The following CNTN5 variants were observed in gnomAD, a reference collection of about 807,000 sequenced individuals.
CNTN5 encodes the protein contactin-5.
A neutral mutation model predicts 129.1 loss-of-function variants in CNTN5; 77 were observed. The observed-to-expected ratio is 0.60, with a 90% CI of 0.50 to 0.72. The LOEUF is 0.72. CNTN5 is among the 30% of genes least tolerant of loss of function. The probability of loss-of-function intolerance (pLI) is 0.00; values close to 1 mark genes in which losing one functional copy is unlikely to be tolerated. For synonymous variants in CNTN5, 509 were observed against 465.6 expected (o/e 1.09, Z -1.20); for missense variants, 1,478 against 1,328.8 (o/e 1.11, Z -1.75).
At chr11:99,732,763 T>A (rs947966384) in intron 3 of CNTN5, among the ~76,000 whole-genome samples, 1 of 152,220 alleles carries the variant, frequency 6.6e-6, no homozygotes, top group Non-Finnish European at 1.5e-5. Context: ...GAAAGGGATG[T>A]TATTAAAATA....
At chr11:99,230,163 G>T (rs984849055) in intron 1 of CNTN5, among the ~76,000 whole-genome samples, 10 of 151,840 alleles carry the variant, frequency 6.6e-5, no homozygotes, top group Non-Finnish European at 1.3e-4. Flanking sequence ...AATGGGAATG[G>T]TCATTTTACA....
intron 1 of CNTN5, among the ~76,000 whole-genome samples, chr11:99,071,271 T>G (rs1006518857): frequency 6.6e-6 from 1 of 152,152 alleles, no homozygotes; most frequent in African/African-American, 2.4e-5. Context: ...ACAGAGGTTT[T>G]TTTTGTTTTG....
intron 2 of CNTN5, among the ~76,000 whole-genome samples, chr11:99,451,129 G>T (rs1335220172): frequency 1.3e-5 from 2 of 152,078 alleles, no homozygotes; most frequent in Non-Finnish European, 1.5e-5. Context: ...ATTGTACTCA[G>T]TGAGACCTGA....
At chr11:100,236,845 G>GGGAA (rs746711704) in intron 16 of CNTN5, among the ~76,000 whole-genome samples, 32 of 152,224 alleles carry the variant, frequency 2.1e-4, no homozygotes, top group South Asian at 1.9e-3. Context: ...CAGCCTTTTA[G>GGGAA]GGAATATACA....
At chr11:100,230,314 A>G (rs1031333061) in intron 16 of CNTN5, among the ~76,000 whole-genome samples, 1 of 152,200 alleles carries the variant, frequency 6.6e-6, no homozygotes, top group Non-Finnish European at 1.5e-5. Flanking sequence ...TTATTTAAAT[A>G]GCTTATACCA....
chr11:100,045,115 T>C (rs1942599377), intron 9 of CNTN5, among the ~76,000 whole-genome samples: 1 of 135,200 alleles, frequency 7.4e-6, no homozygotes, highest in Admixed American at 7.4e-5. Flanking sequence ...TCTTCCATAT[T>C]ACTTTTTTTT....
At chr11:99,655,883 C>T (rs564836844) in intron 3 of CNTN5, among the ~76,000 whole-genome samples, 1 of 151,946 alleles carries the variant, frequency 6.6e-6, no homozygotes, top group East Asian at 1.9e-4. Context: ...TTTAATATTC[C>T]ATTTAGCTAT....
chr11:99,693,439 G>A (rs546583094), intron 3 of CNTN5, among the ~76,000 whole-genome samples: 1 of 151,892 alleles, frequency 6.6e-6, no homozygotes. Flanking sequence ...TGATTGTAAG[G>A]GTTTTAAAGG....
Position 99,444,773 on chromosome 11 carries a change from ACTAG to A in CNTN5, c.-70-111368_-70-111365del, listed in dbSNP as rs568534778. ...TCTATATATGCAAATATATTGCCTA[ACTAG>A]CTAATCTTTATATTTTTAAGATCAT... On this transcript the variant is annotated intron_variant, in intron 2 of 24. Transcript: ENST00000524871. Among the ~76,000 whole-genome samples the A allele has an allele frequency of 1.7e-3, 264 of 152,138 alleles. 2 individuals are homozygous for A. The highest frequency in any genetic ancestry group is 6.2e-3 in the African/African-American group (256 of 41,530).
chr11:99,977,593 G>T (rs977798793), intron 8 of CNTN5, among the ~76,000 whole-genome samples: 1 of 152,170 alleles, frequency 6.6e-6, no homozygotes, highest in Admixed American at 6.5e-5. Context: ...TTACATGGTG[G>T]CAGGGGAGAG....
At chr11:99,837,274 T>A (rs534049760) in intron 4 of CNTN5, among the ~76,000 whole-genome samples, 2 of 152,296 alleles carry the variant, frequency 1.3e-5, no homozygotes, top group South Asian at 4.1e-4. Flanking sequence ...TTTATTTTAA[T>A]GTAATATTAG....
At chr11:99,428,753 T>G (rs944967774) in intron 2 of CNTN5, among the ~76,000 whole-genome samples, 43 of 152,202 alleles carry the variant, frequency 2.8e-4, no homozygotes, top group African/African-American at 9.9e-4. Flanking sequence ...ATAGTTTATT[T>G]AGATTACTTA....
intron 2 of CNTN5, among the ~76,000 whole-genome samples, chr11:99,446,757 A>G (rs1274360658): frequency 6.6e-6 from 1 of 152,192 alleles, no homozygotes; most frequent in Non-Finnish European, 1.5e-5. Context: ...TCAATAGGCT[A>G]TGTACTCTCT....
chr11:100,279,773 T>G (rs1160666967), intron 18 of CNTN5, among the ~76,000 whole-genome samples: 1 of 151,870 alleles, frequency 6.6e-6, no homozygotes, highest in Non-Finnish European at 1.5e-5. Context: ...ATCTTTTGTA[T>G]TGTTTTCTTC....
chr11:99,873,130 A>C (rs1458476951), intron 6 of CNTN5, among the ~76,000 whole-genome samples: 1 of 152,108 alleles, frequency 6.6e-6, no homozygotes, highest in East Asian at 1.9e-4. Flanking sequence ...CGATAGTTTC[A>C]GTAGCTGTGC....
intron 3 of CNTN5, among the ~76,000 whole-genome samples, chr11:99,751,784 A>G (rs1020266170): frequency 6.6e-6 from 1 of 152,210 alleles, no homozygotes; most frequent in Non-Finnish European, 1.5e-5. Context: ...TTCATGTTGA[A>G]ACATAATCCC....
At chr11:99,323,325 C>A (rs1178214429) in intron 1 of CNTN5, among the ~76,000 whole-genome samples, 1 of 152,064 alleles carries the variant, frequency 6.6e-6, no homozygotes, top group Admixed American at 6.6e-5. Flanking sequence ...GTCTTAAAGA[C>A]AAGCATGAGT....
At chr11:99,753,459 G>A (rs770067749) in intron 3 of CNTN5, among the ~76,000 whole-genome samples, 8 of 151,212 alleles carry the variant, frequency 5.3e-5, no homozygotes, top group Admixed American at 1.3e-4. Flanking sequence ...TAAACACTGC[G>A]AAAGGAAGGG....
intron 2 of CNTN5, among the ~76,000 whole-genome samples, chr11:99,426,915 A>C (rs1174688683): frequency 6.6e-6 from 1 of 152,222 alleles, no homozygotes; most frequent in East Asian, 1.9e-4. Flanking sequence ...CTCTAAAAGC[A>C]ATACAGAAAA....
Sources: allele counts gnomAD v4.1 joint callset (sites outside exome capture counted in the v4.1 genomes callset), GRCh38; gene constraint gnomAD v4.1.1; transcripts MANE v1.5; gene names NCBI Gene and HGNC (gene_info 2026-07-23, HGNC 2026-07-21).